MMP16: variants seen among roughly 807,000 people sequenced by gnomAD.
MMP16 encodes matrix metalloproteinase-16.
A neutral mutation model predicts 67.8 loss-of-function variants in MMP16; 12 were observed. The observed-to-expected ratio is 0.18, with a 90% CI of 0.11 to 0.29. The LOEUF (loss-of-function observed/expected upper bound fraction) is 0.29. MMP16 is among the 10% of genes least tolerant of loss of function. The pLI is 1.00. For synonymous variants in MMP16, 249 were observed against 255.9 expected (o/e 0.97, Z 0.26); for missense variants, 475 against 765.7 (o/e 0.62, Z 4.48).
chr8:88,239,210 G>A (rs187233075), intron 1 of MMP16, among the ~76,000 whole-genome samples: 15 of 146,988 alleles, frequency 1.0e-4, no homozygotes, highest in Non-Finnish European at 1.9e-4. Flanking sequence ...CAGGAGGATC[G>A]CTGGAACCCA....
intron 4 of MMP16, among the ~76,000 whole-genome samples, chr8:88,129,924 G>A (rs1274676653): frequency 6.6e-6 from 1 of 151,612 alleles, no homozygotes; most frequent in Non-Finnish European, 1.5e-5. Context: ...GGCCTATCGA[G>A]TGATTACCCA....
intron 4 of MMP16, among the ~76,000 whole-genome samples, chr8:88,149,806 TCTC>T (rs758259781): frequency 0.027 from 4,025 of 151,196 alleles, 52 homozygotes; most frequent in Non-Finnish European, 0.038. Flanking sequence ...GCAGAGCGCC[TCTC>T]CTCCTCCAAA....
At chr8:88,240,146 G>A (rs1445470732) in intron 1 of MMP16, among the ~76,000 whole-genome samples, 1 of 152,132 alleles carries the variant, frequency 6.6e-6, no homozygotes, top group East Asian at 1.9e-4. Context: ...AGGAGCACAG[G>A]AAATGCACGG....
rs1408333978 is a variant in MMP16 at position 88,206,517 on chromosome 8, C to T, written c.133-9211G>A. Among the ~76,000 whole-genome samples the T allele has an allele frequency of 2.0e-5, 3 of 152,166 alleles. No individual in the cohort carries two copies. In the East Asian group the frequency reaches 5.8e-4, roughly 29 times the overall value. On this transcript the variant is annotated intron_variant, in intron 1 of 9. Coordinates refer to ENST00000286614, the MANE Select transcript of MMP16 (RefSeq NM_005941.5). ...GAGTGAGGGAGGGTGTGAGTGCGCC[C>T]TGCAAGGGGATGGCATCCTGTCCAG...
At chr8:88,246,670 A>AT (rs1255729190) in intron 1 of MMP16, among the ~76,000 whole-genome samples, 2 of 152,134 alleles carry the variant, frequency 1.3e-5, no homozygotes, top group African/African-American at 4.8e-5. Flanking sequence ...TACTCCAGAC[A>AT]TTTTTTTAAG....
At chr8:88,217,424 C>T (rs1246435558) in intron 1 of MMP16, among the ~76,000 whole-genome samples, 1 of 152,048 alleles carries the variant, frequency 6.6e-6, no homozygotes, top group African/African-American at 2.4e-5. Flanking sequence ...AATCTATATT[C>T]ATTCCCATAT....
chr8:88,175,853 A>C (rs1010570163), intron 3 of MMP16, among the ~76,000 whole-genome samples: 5 of 152,136 alleles, frequency 3.3e-5, no homozygotes. Context: ...GTCTCACGAG[A>C]TCAGATGGTT....
chr8:88,124,794 C>T (rs1235580540), intron 4 of MMP16, among the ~76,000 whole-genome samples: 3 of 151,912 alleles, frequency 2.0e-5, no homozygotes, highest in Admixed American at 1.3e-4. Context: ...TTCTGGAGGC[C>T]AGAAATCTGA....
rs1419996137 is a variant in MMP16, at chr8:88,042,936, A to C, written c.1490-1141T>G. On this transcript the variant is annotated intron_variant, in intron 9 of 9. Coordinates refer to ENST00000286614, the MANE Select transcript of MMP16 (RefSeq NM_005941.5). Reference sequence around the variant, plus strand: ...GAGATAAAATTCAAAAAATCAAGAAATGTTTTAATGCTATAATTACTTAAA... The same window carrying C: ...GAGATAAAATTCAAAAAATCAAGAACTGTTTTAATGCTATAATTACTTAAA... Among the ~76,000 whole-genome samples, 3 of 152,200 alleles carry C rather than the reference A, an allele frequency of 2.0e-5. No homozygotes were observed. In the East Asian group the frequency reaches 5.8e-4, roughly 29 times the overall value.
chr8:88,285,879 G>A lies in MMP16; in HGVS notation c.132+41196C>T, dbSNP rs73282670. On this transcript the variant is annotated intron_variant, in intron 1 of 9. Coordinates refer to ENST00000286614, the MANE Select transcript of MMP16 (RefSeq NM_005941.5). ...AATTCAGGCATTCCTCAAATAAAAC[G>A]TTTTGCCATCTTATTTGTCACCTGT... Among the ~76,000 whole-genome samples the A allele has an allele frequency of 3.0e-3, 460 of 152,106 alleles. 2 individuals are homozygous for A. Among genetic ancestry groups the A allele is most frequent in the African/African-American group, 0.01 (424 of 41,498 alleles).
At chr8:88,133,053 C>T (rs1319560176) in intron 4 of MMP16, among the ~76,000 whole-genome samples, 1 of 151,824 alleles carries the variant, frequency 6.6e-6, no homozygotes, top group African/African-American at 2.4e-5. Context: ...TCAAAGTCAG[C>T]AATTTTTCTC....
intron 6 of MMP16, among the ~76,000 whole-genome samples, chr8:88,077,957 T>C (rs1376637203): frequency 6.6e-6 from 1 of 152,166 alleles, no homozygotes; most frequent in African/African-American, 2.4e-5. Context: ...GTTTTTGTTT[T>C]AGATGGGGAG....
At chr8:88,083,291 A>G (rs958018662) in intron 6 of MMP16, among the ~76,000 whole-genome samples, 1 of 152,100 alleles carries the variant, frequency 6.6e-6, no homozygotes, top group African/African-American at 2.4e-5. Context: ...CATAAAAGCC[A>G]TAATATTCCA....
intron 4 of MMP16, among the ~76,000 whole-genome samples, chr8:88,149,829 T>C (rs1356566468): frequency 3.3e-5 from 5 of 150,856 alleles, no homozygotes; most frequent in Non-Finnish European, 7.4e-5. Context: ...AGGAACGCAG[T>C]TCCTCACCAG....
At chr8:88,102,329 G>A (rs1026887180) in intron 6 of MMP16, among the ~76,000 whole-genome samples, 1 of 151,796 alleles carries the variant, frequency 6.6e-6, no homozygotes, top group African/African-American at 2.4e-5. Context: ...ATTTACAGAT[G>A]TGTCACACAG....
chr8:88,107,232 C>T (rs993419524), intron 6 of MMP16, among the ~76,000 whole-genome samples: 1 of 150,944 alleles, frequency 6.6e-6, no homozygotes, highest in Non-Finnish European at 1.5e-5. Context: ...TTACATTTTT[C>T]TATATAATCT....
At chr8:88,156,623 A>C (rs756881742) in intron 4 of MMP16, among the ~76,000 whole-genome samples, 1 of 152,126 alleles carries the variant, frequency 6.6e-6, no homozygotes, top group Non-Finnish European at 1.5e-5. Flanking sequence ...AAAAGTTACA[A>C]AACTAAAGTA....
chr8:88,183,845 A>G (rs1425668995), intron 3 of MMP16, among the ~76,000 whole-genome samples: 1 of 150,484 alleles, frequency 6.6e-6, no homozygotes, highest in African/African-American at 2.4e-5. Context: ...CCTCTCGAGT[A>G]GCTGGGATTA....
intron 8 of MMP16, among the ~76,000 whole-genome samples, chr8:88,054,862 A>G (rs895010745): frequency 4.6e-5 from 7 of 152,184 alleles, no homozygotes; most frequent in Admixed American, 2.6e-4. Context: ...GAGACATTGC[A>G]TAGGGTTATT....
Sources: gnomAD v4.1 joint callset for allele counts (sites outside exome capture counted in the v4.1 genomes callset) on GRCh38, gnomAD v4.1.1 for gene constraint, MANE v1.5 for transcripts, NCBI Gene and HGNC (gene_info 2026-07-23, HGNC 2026-07-21) for gene names.